Variants in AKAP6 observed in about 807,000 individuals in gnomAD.
AKAP6 encodes A-kinase anchoring protein 6, also known as A-kinase anchor protein 6.
Under a neutral mutation model 188.5 loss-of-function variants are expected in AKAP6, and 58 were observed. The ratio of observed to expected loss-of-function variants is 0.31; its 90% CI spans 0.25 to 0.38. The LOEUF (loss-of-function observed/expected upper bound fraction) is 0.38, where lower values mean the gene tolerates loss of function less well. AKAP6 is among the 10% of genes least tolerant of loss of function. AKAP6 has a pLI of 1.00. For synonymous variants in AKAP6, 989 were observed against 998.6 expected (o/e 0.99, Z 0.18); for missense variants, 2,710 against 2,740.0 (o/e 0.99, Z 0.24).
At chr14:32,457,840 A>G (rs1891195244) in intron 2 of AKAP6, among the ~76,000 whole-genome samples, 1 of 152,206 alleles carries the variant, frequency 6.6e-6, no homozygotes, top group African/African-American at 2.4e-5. Context: ...TGCCAAAGTA[A>G]AAAATTTAAA....
intron 1 of AKAP6, among the ~76,000 whole-genome samples, chr14:32,358,418 A>C (rs572976547): frequency 2.0e-4 from 30 of 152,188 alleles, no homozygotes; most frequent in East Asian, 1.4e-3. Flanking sequence ...AATGAAATGA[A>C]CTCTTGCTTA....
chr14:32,710,430 G>A (rs942172994), intron 9 of AKAP6, among the ~76,000 whole-genome samples: 1 of 151,924 alleles, frequency 6.6e-6, no homozygotes, highest in Non-Finnish European at 1.5e-5. Context: ...TATGAAAACT[G>A]ACATAAAGTT....
At position 32,789,027 on chromosome 14, in the gene AKAP6, A is replaced by G. The variant is rs137883090; in HGVS notation, c.3588+15134A>G. On this transcript the variant is annotated intron_variant, in intron 12 of 13. Coordinates refer to ENST00000280979, the MANE Select transcript of AKAP6 (RefSeq NM_004274.5). ...GTGGTTCGGTAGACTCAGCCATTCC[A>G]GCCTGCCACCTTTGGACAATACAAA... Among the ~76,000 whole-genome samples, 577 of 152,296 alleles carry G rather than the reference A, an allele frequency of 3.8e-3. 4 individuals are homozygous for G. Among genetic ancestry groups the G allele is most frequent in the African/African-American group, 0.013 (546 of 41,578 alleles).
intron 6 of AKAP6, among the ~76,000 whole-genome samples, 174 bp from the exon 7 acceptor site, chr14:32,600,454 GT>G (rs1215696038): frequency 6.6e-6 from 1 of 152,118 alleles, no homozygotes; most frequent in East Asian, 1.9e-4. Context: ...TATACCTCAT[GT>G]TAAGAATTGC....
intron 2 of AKAP6, among the ~76,000 whole-genome samples, chr14:32,521,538 C>A (rs1881833536): frequency 6.6e-6 from 1 of 152,124 alleles, no homozygotes; most frequent in African/African-American, 2.4e-5. Context: ...TCCTATACAC[C>A]ACTAACAGAC....
chr14:32,468,293 C>CA (rs1479772926), intron 2 of AKAP6, among the ~76,000 whole-genome samples: 2 of 152,044 alleles, frequency 1.3e-5, no homozygotes, highest in African/African-American at 4.8e-5. Flanking sequence ...TAGTTCTTGC[C>CA]AAAAATATTT....
At chr14:32,808,262 C>T (rs897639130) in intron 12 of AKAP6, among the ~76,000 whole-genome samples, 1 of 152,194 alleles carries the variant, frequency 6.6e-6, no homozygotes, top group Non-Finnish European at 1.5e-5. Flanking sequence ...TAAATCTGCA[C>T]ATGCAGGGAT....
At chr14:32,502,888 A>G (rs990761528) in intron 2 of AKAP6, among the ~76,000 whole-genome samples, 32 of 152,270 alleles carry the variant, frequency 2.1e-4, no homozygotes, top group African/African-American at 7.2e-4. Context: ...CTGTATTGCA[A>G]TAAATAAGCT....
intron 2 of AKAP6, among the ~76,000 whole-genome samples, chr14:32,528,155 CATT>C (rs1165881155): frequency 2.0e-5 from 3 of 152,128 alleles, no homozygotes; most frequent in African/African-American, 7.2e-5. Context: ...CTAGGATTAT[CATT>C]ATTATTATTA....
chr14:32,502,179 A>G (rs747447902), intron 2 of AKAP6, among the ~76,000 whole-genome samples: 1 of 152,182 alleles, frequency 6.6e-6, no homozygotes, highest in Non-Finnish European at 1.5e-5. Context: ...GCTTAGAAGA[A>G]TAGTAACAGA....
chr14:32,610,119 C>T (rs980988723), intron 7 of AKAP6, among the ~76,000 whole-genome samples: 4 of 152,082 alleles, frequency 2.6e-5, no homozygotes, highest in Middle Eastern at 3.2e-3. Flanking sequence ...CTTGTTCATT[C>T]TTCCCAACAA....
chr14:32,660,453 A>G (rs1888639760), intron 7 of AKAP6, among the ~76,000 whole-genome samples: 1 of 152,118 alleles, frequency 6.6e-6, no homozygotes, highest in South Asian at 2.1e-4. Context: ...ATTGTGGGCA[A>G]TCACTCAAAA....
chr14:32,583,357 C>G (rs984628976), intron 5 of AKAP6, among the ~76,000 whole-genome samples: 3 of 152,184 alleles, frequency 2.0e-5, no homozygotes, highest in Admixed American at 6.5e-5. Context: ...GAAGTTTTGT[C>G]TCAGAGGAGT....
chr14:32,445,214 A>C (rs145985754), intron 2 of AKAP6, among the ~76,000 whole-genome samples: 3 of 152,250 alleles, frequency 2.0e-5, no homozygotes, highest in African/African-American at 7.2e-5. Flanking sequence ...ATACCTTGGA[A>C]TATGGTTTCT....
Position 32,343,609 on chromosome 14 carries a change from A to G in AKAP6, c.-35+14201A>G, listed in dbSNP as rs536751572. ...TAAAAATACAAAAAATTAGCCAGGC[A>G]TGATGGCAGGCGCCTGTAGTCCCAG... On this transcript the variant is annotated intron_variant, in intron 1 of 13. Transcript: ENST00000280979. Among the ~76,000 whole-genome samples, 4 of 151,860 alleles carry G rather than the reference A, an allele frequency of 2.6e-5. No homozygotes were observed. The East Asian group carries it at 7.8e-4, about 29-fold the overall frequency.
At chr14:32,344,875 C>T (rs1047722940) in intron 1 of AKAP6, among the ~76,000 whole-genome samples, 5 of 148,742 alleles carry the variant, frequency 3.4e-5, no homozygotes, top group African/African-American at 1.3e-4. Flanking sequence ...GAGATAGCAC[C>T]ACTACACTCC....
intron 7 of AKAP6, among the ~76,000 whole-genome samples, chr14:32,616,259 T>G (rs574957254): frequency 1.3e-5 from 2 of 152,224 alleles, no homozygotes; most frequent in African/African-American, 4.8e-5. Flanking sequence ...TGGGTATATA[T>G]CCAAAGGAAT....
intron 9 of AKAP6, among the ~76,000 whole-genome samples, chr14:32,696,817 G>A (rs1890422907): frequency 6.6e-6 from 1 of 151,986 alleles, no homozygotes; most frequent in Non-Finnish European, 1.5e-5. Flanking sequence ...AATGGTTGCA[G>A]GATTCACAGT....
intron 1 of AKAP6, among the ~76,000 whole-genome samples, chr14:32,330,139 C>T (rs1594508336): frequency 2.0e-5 from 3 of 152,198 alleles, no homozygotes; most frequent in African/African-American, 7.2e-5. Context: ...AGTCTCCTCT[C>T]TGCGGCAGTT....
Sources: gnomAD v4.1 joint callset for allele counts (sites outside exome capture counted in the v4.1 genomes callset) on GRCh38, gnomAD v4.1.1 for gene constraint, MANE v1.5 for transcripts, NCBI Gene and HGNC (gene_info 2026-07-23, HGNC 2026-07-21) for gene names.